Variants in ERI3 observed in about 807,000 individuals in gnomAD.
ERI3 encodes the protein ERI1 exoribonuclease family member 3.
ERI3 carries 18 observed loss-of-function variants against 44.4 expected under a neutral mutation model. That is an observed-to-expected ratio of 0.41 (90% CI 0.28 to 0.60). The LOEUF (loss-of-function observed/expected upper bound fraction) is 0.60, where lower values mean the gene tolerates loss of function less well. ERI3 is among the 20% of genes least tolerant of loss of function. The pLI, the probability that ERI3 is intolerant of heterozygous loss-of-function variation, is 0.36. For synonymous variants in ERI3, 183 were observed against 164.8 expected, an observed-to-expected ratio of 1.11 and a Z score of -0.84; for missense variants, 294 against 435.5, an observed-to-expected ratio of 0.68 and a Z score of 2.89.
In ERI3 at chr1:44,231,026, C is replaced by T. The variant is rs142482893; in HGVS notation, c.932-9386G>A. 4.9e-4 allele frequency among the ~76,000 whole-genome samples: 74 copies of T among 152,262 alleles called. 1 individual carries two copies. The highest frequency in any genetic ancestry group is 1.7e-3 in the African/African-American group (72 of 41,554). ...CAATATTTGCATATACATGAGATAT[C>T]TTGGGGATGGGGTCCCAAGTCTAAA... On this transcript the variant is annotated intron_variant, in intron 8 of 8. Transcript: ENST00000372257.
rs371633227 is a variant in ERI3 at position 44,352,830 on chromosome 1, C to T, written c.211+20G>A. ...CAGAAGAAAATAAAGCCAGACTTGA[C>T]CATGCAACAGGATTCTCACCTCTCC... On this transcript the variant is annotated intron_variant, in intron 2 of 8. Coordinates refer to ENST00000372257, the MANE Select transcript of ERI3 (RefSeq NM_024066.3). 2.2e-4 allele frequency: 352 copies of T among 1,613,816 alleles called. No homozygotes were observed. The highest frequency in any genetic ancestry group is 2.8e-4 in the Non-Finnish European group (333 of 1,179,882).
chr1:44,342,822 T>TATATATATATATATAA (rs1646685792), intron 2 of ERI3, among the ~76,000 whole-genome samples: 2 of 12,970 alleles, frequency 1.5e-4, no homozygotes, highest in Admixed American at 1.7e-3. Flanking sequence ...AATATATATA[T>TATATATATATATATAA]ATATATATAT....
intron 8 of ERI3, among the ~76,000 whole-genome samples, chr1:44,242,795 C>T (rs1223540860): frequency 1.3e-5 from 2 of 152,108 alleles, no homozygotes; most frequent in African/African-American, 4.8e-5. Context: ...ATCCTGGGCC[C>T]GAGGTCTTCA....
At chr1:44,242,087 A>G (rs1644451155) in intron 8 of ERI3, 3 of 985,372 alleles carry the variant, frequency 3.0e-6, no homozygotes, top group East Asian at 1.1e-4. Flanking sequence ...GACCCTGTCA[A>G]TGATGGGAGA....
At chr1:44,353,468 C>T in intron 1 of ERI3, 3 of 985,414 alleles carry the variant, frequency 3.0e-6, no homozygotes, top group Non-Finnish European at 3.6e-6. Context: ...AATTCATATC[C>T]TCCAAAGGAC....
In ERI3 at chr1:44,339,372, A is replaced by G. The variant is rs370598183; in HGVS notation, c.212-50T>C. On this transcript the variant is annotated intron_variant, in intron 2 of 8. Coordinates refer to ENST00000372257, the MANE Select transcript of ERI3 (RefSeq NM_024066.3). ...AAAAAAAAAAAAGAAAAGAAAGAAAAAAAAAAAAAGAACAGAGAGCCTGGG... is the reference window on the plus strand; with the variant it reads ...AAAAAAAAAAAAGAAAAGAAAGAAAGAAAAAAAAAGAACAGAGAGCCTGGG... The G allele has an allele frequency of 1.6e-4, 233 of 1,473,796 alleles. 1 individual carries two copies. In the Admixed American group the frequency reaches 2.3e-3, roughly 14 times the overall value. The allele number at this position is 1,473,796 out of a possible 1,614,324, so 91.3% of individuals were successfully genotyped here.
intron 3 of ERI3, among the ~76,000 whole-genome samples, chr1:44,335,143 C>T (rs1423927383): frequency 6.6e-6 from 1 of 151,952 alleles, no homozygotes; most frequent in Non-Finnish European, 1.5e-5. Context: ...AGTTTGAAAC[C>T]AGCCTGGGCA....
At chr1:44,275,496 G>A (rs978449275) in intron 7 of ERI3, among the ~76,000 whole-genome samples, 1 of 152,174 alleles carries the variant, frequency 6.6e-6, no homozygotes, top group African/African-American at 2.4e-5. Flanking sequence ...ATGCTCCAAG[G>A]TCAGGAAAAG....
chr1:44,284,723 A>T, intron 7 of ERI3, 112 bp downstream of exon 7: 1 of 782,788 alleles, frequency 1.3e-6, no homozygotes. Flanking sequence ...AGAAAAGAGA[A>T]GAACAAAAAG....
At chr1:44,327,274 C>T (rs1186860789) in intron 3 of ERI3, among the ~76,000 whole-genome samples, 1 of 152,192 alleles carries the variant, frequency 6.6e-6, no homozygotes, top group Non-Finnish European at 1.5e-5. Flanking sequence ...CTGGATAGTA[C>T]TCTGGTTCTA....
intron 6 of ERI3, among the ~76,000 whole-genome samples, chr1:44,287,995 G>A (rs1368971656): frequency 6.6e-6 from 1 of 152,202 alleles, no homozygotes; most frequent in Non-Finnish European, 1.5e-5. Flanking sequence ...GCTCTGGCTA[G>A]CCCTGGGAGA....
chr1:44,304,337 T>C (rs758605651), intron 6 of ERI3, among the ~76,000 whole-genome samples: 10 of 151,772 alleles, frequency 6.6e-5, no homozygotes, highest in East Asian at 1.9e-4. Context: ...ACAACCAGGA[T>C]AGAGATCAAA....
chr1:44,271,979 C>G (rs1402389327), intron 7 of ERI3, among the ~76,000 whole-genome samples: 1 of 152,146 alleles, frequency 6.6e-6, no homozygotes, highest in African/African-American at 2.4e-5. Flanking sequence ...GTCTCTTTTT[C>G]CTAGCTCCTG....
intron 6 of ERI3, among the ~76,000 whole-genome samples, chr1:44,303,887 C>T (rs1645778353): frequency 6.6e-6 from 1 of 152,038 alleles, no homozygotes; most frequent in Non-Finnish European, 1.5e-5. Flanking sequence ...ACTTTTGTAG[C>T]AATCCAAGAA....
rs1644108376 is a variant in ERI3 at position 44,228,797 on chromosome 1, T to C, written c.932-7157A>G. 6.6e-6 allele frequency among the ~76,000 whole-genome samples: 1 copy of C among 152,174 alleles called. No homozygotes were observed. Among genetic ancestry groups the C allele is most frequent in the Admixed American group, 6.5e-5 (1 of 15,274 alleles). On this transcript the variant is annotated intron_variant, in intron 8 of 8. Transcript: ENST00000372257. This position sits in a 1 kb window ranked among gnomAD's most constrained non-coding sequence, Gnocchi z 4.3. ...CATAGCATCAAACCCCTTATGTCGC[T>C]TGCAGTGCATTTGGCCACCAGGAAC...
At chr1:44,304,318 A>G (rs1400832026) in intron 6 of ERI3, among the ~76,000 whole-genome samples, 3 of 152,194 alleles carry the variant, frequency 2.0e-5, no homozygotes, top group Non-Finnish European at 4.4e-5. Context: ...TGTAGAATAA[A>G]CAGAAAAGAC....
intron 7 of ERI3, among the ~76,000 whole-genome samples, chr1:44,276,629 C>T (rs1365047230): frequency 6.6e-6 from 1 of 152,220 alleles, no homozygotes; most frequent in Non-Finnish European, 1.5e-5. Flanking sequence ...ACCATAATCT[C>T]TAATCCTTCC....
At chr1:44,308,126 T>C (rs1184614008) in intron 6 of ERI3, among the ~76,000 whole-genome samples, 184 bp downstream of exon 6, 1 of 152,198 alleles carries the variant, frequency 6.6e-6, no homozygotes, top group Non-Finnish European at 1.5e-5. Context: ...GGCCCTTGAC[T>C]TGCCCACACC....
rs79263253 is a variant in ERI3, at chr1:44,264,632, C to T, written c.832-16594G>A. On this transcript the variant is annotated intron_variant, in intron 7 of 8. Transcript: ENST00000372257. Reference sequence around the variant, plus strand: ...CATATCCCAGCGCTGCTGCCAGCATCGAGGACAAGGACGGCAAAGTGTGAA... The same window carrying T: ...CATATCCCAGCGCTGCTGCCAGCATTGAGGACAAGGACGGCAAAGTGTGAA... Among the ~76,000 whole-genome samples the T allele has an allele frequency of 5.7e-3, 875 of 152,274 alleles. 9 individuals carry two copies. The highest frequency in any genetic ancestry group is 0.02 in the African/African-American group (828 of 41,548).
Sources: gnomAD v4.1 joint callset for allele counts (sites outside exome capture counted in the v4.1 genomes callset) on GRCh38, gnomAD v4.1.1 for gene constraint, Gnocchi (gnomAD v3.1) non-coding constraint, MANE v1.5 for transcripts, NCBI Gene and HGNC (gene_info 2026-07-23, HGNC 2026-07-21) for gene names.